The following IQGAP1 variants were observed in gnomAD, a reference collection of about 807,000 sequenced individuals.
IQGAP1 encodes IQ motif containing GTPase activating protein 1.
IQGAP1 carries 66 observed loss-of-function variants against 215.6 expected under a neutral mutation model. The ratio of observed to expected loss-of-function variants is 0.31; its 90% CI spans 0.25 to 0.38. The LOEUF (loss-of-function observed/expected upper bound fraction) is 0.38, where lower values mean the gene tolerates loss of function less well. Ranked by LOEUF, IQGAP1 falls within the 10% of genes least tolerant of loss-of-function variation. IQGAP1 has a pLI of 1.00. For missense variants in IQGAP1, 1,712 were observed against 1,997.1 expected (o/e 0.86, Z 2.72); for synonymous variants, 772 against 728.7 (o/e 1.06, Z -0.96).
intron 33 of IQGAP1, 120 bp downstream of exon 33, chr15:90,487,702 G>A (rs2151037685): frequency 1.5e-6 from 1 of 673,366 alleles, no homozygotes; most frequent in Non-Finnish European, 2.6e-6. Flanking sequence ...GAGCATGAAT[G>A]TAACTGGGGG....
chr15:90,417,055 GTTGT>G (rs1596256366), intron 2 of IQGAP1, among the ~76,000 whole-genome samples: 4 of 152,252 alleles, frequency 2.6e-5, no homozygotes, highest in East Asian at 1.9e-4. Context: ...TTGTGATGGG[GTTGT>G]TTGTTTCTTT....
rs1300573499 is a variant in IQGAP1 at position 90,472,899 on chromosome 15, A to C, written c.2238A>C (p.Glu746Asp). The C allele has an allele frequency of 6.2e-7, 1 of 1,613,908 alleles. No homozygotes were observed. Among genetic ancestry groups the C allele is most frequent in the South Asian group, 1.1e-5 (1 of 91,044 alleles). ...YNREQLWLANEGLITRLQARC... is the reference protein window; with the variant it reads ...YNREQLWLANDGLITRLQARC... Reference sequence around the variant, plus strand: ...GAGAACAGCTGTGGCTGGCCAATGAAGGCCTGATCACCAGGCTGCAGGCTC... The same window carrying C: ...GAGAACAGCTGTGGCTGGCCAATGACGGCCTGATCACCAGGCTGCAGGCTC... The change falls in exon 19 of 38, where the codon GAA (glutamate) becomes GAC (aspartate). Residue 746 changes from glutamate to aspartate, a missense_variant. Around this residue, in one of 2 missense-constraint regions of IQGAP1, gnomAD observed 1,021 missense variants for 1,074.2 expected, o/e 0.95. Transcript: ENST00000268182.
chr15:90,448,346 A>G (rs906409842), intron 9 of IQGAP1, among the ~76,000 whole-genome samples: 2 of 152,182 alleles, frequency 1.3e-5, no homozygotes, highest in Admixed American at 6.5e-5. Flanking sequence ...AGTGTGGCCC[A>G]GGAATCTGTA....
At chr15:90,494,546 G>A (rs1437285555) in intron 35 of IQGAP1, 167 bp from the exon 36 acceptor site, 1 of 457,160 alleles carries the variant, frequency 2.2e-6, no homozygotes, top group African/African-American at 2.0e-5. Flanking sequence ...GTTTTGCAGA[G>A]ATATTGCTTA....
intron 36 of IQGAP1, among the ~76,000 whole-genome samples, chr15:90,495,283 T>C (rs1966256058): frequency 6.6e-6 from 1 of 152,210 alleles, no homozygotes; most frequent in Admixed American, 6.5e-5. Flanking sequence ...CCACAGGTCC[T>C]GGGCCCAGCG....
chr15:90,478,848 T>C (rs1422148205), intron 26 of IQGAP1, among the ~76,000 whole-genome samples: 1 of 152,166 alleles, frequency 6.6e-6, no homozygotes, highest in Admixed American at 6.5e-5. Flanking sequence ...TTCCCTGAAA[T>C]ATCGTGAGTT....
At chr15:90,477,253 C>A in intron 25 of IQGAP1, 23 bp downstream of exon 25, 1 of 1,606,950 alleles carries the variant, frequency 6.2e-7, no homozygotes, top group Non-Finnish European at 8.5e-7. Flanking sequence ...TTCCTCAGGG[C>A]ACAGGCCCCT....
chr15:90,401,862 G>T (rs1267847790), intron 2 of IQGAP1, among the ~76,000 whole-genome samples: 2 of 152,094 alleles, frequency 1.3e-5, no homozygotes, highest in African/African-American at 2.4e-5. Flanking sequence ...GCAGAATGAT[G>T]ATGAAATTTA....
Position 90,491,564 on chromosome 15 carries a change from A to G in IQGAP1, c.4461+19A>G. The G allele has an allele frequency of 6.2e-7, 1 of 1,602,562 alleles. No individual in the cohort carries two copies. Among genetic ancestry groups the G allele is most frequent in the South Asian group, 1.1e-5 (1 of 90,766 alleles). ...TGCCAGGGTACTGCATTCGGGGGAC[A>G]GAGGGGACCCGGCCTTGTTCAAAGC... On this transcript the variant is annotated intron_variant, in intron 34 of 37. Coordinates refer to ENST00000268182, the MANE Select transcript of IQGAP1 (RefSeq NM_003870.4).
chr15:90,473,717 A>C lies in IQGAP1; in HGVS notation c.2352A>C (p.Ser784=), dbSNP rs561773862. The change falls in exon 20 of 38, where the codon TCA becomes TCC. Residue 784 remains serine, a splice_region_variant and synonymous_variant. Transcript: ENST00000268182. ...KQIPAITCIQ[S]QWRGYKQKKA... ...TCTGTAACATTTGACTGTTTCAGTC[A>C]CAGTGGAGAGGATACAAGCAGAAGA... The C allele has an allele frequency of 6.2e-6, 10 of 1,605,890 alleles. No homozygotes were observed. The South Asian group carries it at 1.1e-4, about 18-fold the overall frequency.
intron 11 of IQGAP1, among the ~76,000 whole-genome samples, chr15:90,450,734 A>G (rs1965591634): frequency 6.7e-6 from 1 of 148,614 alleles, no homozygotes; most frequent in Admixed American, 6.7e-5. Context: ...CCTGTTGGCC[A>G]TTTGTGTGTC....
chr15:90,488,734 G>A (rs898012741), intron 33 of IQGAP1, among the ~76,000 whole-genome samples: 4 of 152,168 alleles, frequency 2.6e-5, no homozygotes, highest in African/African-American at 9.7e-5. Flanking sequence ...AAGGTGGAAA[G>A]GATTTGGGTG....
At chr15:90,427,639 C>A (rs1965242830) in intron 3 of IQGAP1, among the ~76,000 whole-genome samples, 2 of 152,042 alleles carry the variant, frequency 1.3e-5, no homozygotes, top group Admixed American at 1.3e-4. Context: ...ACTCAGGAGG[C>A]TGAGGCAGGA....
intron 2 of IQGAP1, among the ~76,000 whole-genome samples, chr15:90,416,205 G>A (rs1003348060): frequency 6.7e-6 from 1 of 149,020 alleles, no homozygotes; most frequent in African/African-American, 2.5e-5. Context: ...AGTGTGTGAT[G>A]TTCCCATGTC....
At chr15:90,478,686 G>A (rs1310657216) in intron 26 of IQGAP1, among the ~76,000 whole-genome samples, 1 of 152,186 alleles carries the variant, frequency 6.6e-6, no homozygotes, top group Non-Finnish European at 1.5e-5. Context: ...GCTAGGTGCA[G>A]AGTGTTTATG....
chr15:90,490,043 G>A (rs979947853), intron 33 of IQGAP1, among the ~76,000 whole-genome samples: 4 of 152,202 alleles, frequency 2.6e-5, no homozygotes, highest in Admixed American at 6.5e-5. Flanking sequence ...ATGTGATGCA[G>A]AGTAGTCTTG....
At chr15:90,448,788 T>G in intron 10 of IQGAP1, 52 bp downstream of exon 10, 1 of 1,332,394 alleles carries the variant, frequency 7.5e-7, no homozygotes, top group Non-Finnish European at 9.8e-7. Flanking sequence ...TCCATTCGAA[T>G]CCCATGCTGT....
At chr15:90,473,188 G>A (rs1029464779) in intron 19 of IQGAP1, 178 bp downstream of exon 19, 1 of 586,714 alleles carries the variant, frequency 1.7e-6, no homozygotes, top group Non-Finnish European at 3.0e-6. Flanking sequence ...GCCTACAGGT[G>A]TTTAATGCTG....
intron 37 of IQGAP1, among the ~76,000 whole-genome samples, chr15:90,499,740 A>G (rs1010786235): frequency 1.3e-5 from 2 of 152,240 alleles, no homozygotes; most frequent in African/African-American, 4.8e-5. Flanking sequence ...TGATATGAAC[A>G]ACATGACTTC....
Sources: gnomAD v4.1 joint callset for allele counts (sites outside exome capture counted in the v4.1 genomes callset) on GRCh38, gnomAD v4.1.1 for gene constraint, gnomAD v4.1.1 regional missense constraint, MANE v1.5 for transcripts, NCBI Gene and HGNC (gene_info 2026-07-23, HGNC 2026-07-21) for gene names.